The following KCNQ3 variants were observed in gnomAD, a reference collection of about 807,000 sequenced individuals.
The protein encoded by KCNQ3 is potassium voltage-gated channel subfamily Q member 3.
Under a neutral mutation model 92.5 loss-of-function variants are expected in KCNQ3, and 30 were observed. The ratio of observed to expected loss-of-function variants is 0.32; its 90% confidence interval spans 0.24 to 0.44. The LOEUF is 0.44. KCNQ3 is among the 20% of genes least tolerant of loss of function. The pLI is 1.00. For missense variants in KCNQ3, 913 were observed against 1,140.3 expected, an observed-to-expected ratio of 0.80 and a Z score of 2.87; for synonymous variants, 450 against 468.8, an observed-to-expected ratio of 0.96 and a Z score of 0.52.
intron 1 of KCNQ3, among the ~76,000 whole-genome samples, chr8:132,225,433 C>A (rs1246083701): frequency 2.0e-5 from 3 of 152,112 alleles, no homozygotes; most frequent in Non-Finnish European, 4.4e-5. Context: ...TCATAGAAAG[C>A]AACTGGGATC....
At chr8:132,159,685 T>C (rs558981961) in intron 9 of KCNQ3, among the ~76,000 whole-genome samples, 2 of 152,118 alleles carry the variant, frequency 1.3e-5, no homozygotes, top group African/African-American at 2.4e-5. Flanking sequence ...AGATAAGAGA[T>C]AAAGAGAGAA....
intron 1 of KCNQ3, among the ~76,000 whole-genome samples, chr8:132,441,028 G>T (rs1316744738): frequency 1.3e-5 from 2 of 152,176 alleles, no homozygotes; most frequent in Admixed American, 6.6e-5. Context: ...GAGTGGATTT[G>T]ATTAGTTCTA....
intron 1 of KCNQ3, among the ~76,000 whole-genome samples, chr8:132,298,409 G>A (rs1342048940): frequency 6.6e-6 from 1 of 152,138 alleles, no homozygotes; most frequent in African/African-American, 2.4e-5. Flanking sequence ...TAATCAGGGT[G>A]TGGGGATGGA....
intron 4 of KCNQ3, among the ~76,000 whole-genome samples, chr8:132,178,983 A>G (rs2130150547): frequency 6.9e-6 from 1 of 144,616 alleles, no homozygotes; most frequent in African/African-American, 2.6e-5. Context: ...AGCATCTAGT[A>G]TGCCTACCAG....
intron 1 of KCNQ3, among the ~76,000 whole-genome samples, chr8:132,428,143 A>G (rs1821157327): frequency 6.6e-6 from 1 of 151,574 alleles, no homozygotes; most frequent in African/African-American, 2.4e-5. Context: ...TGCTCTCTCA[A>G]TACCCATCTT....
intron 1 of KCNQ3, among the ~76,000 whole-genome samples, chr8:132,284,776 G>T (rs1309828018): frequency 6.6e-6 from 1 of 152,222 alleles, no homozygotes; most frequent in Non-Finnish European, 1.5e-5. Flanking sequence ...ATGTGACAAT[G>T]TTAGGAGCTG....
intron 9 of KCNQ3, among the ~76,000 whole-genome samples, chr8:132,148,557 A>G (rs1825533547): frequency 6.6e-6 from 1 of 152,254 alleles, no homozygotes; most frequent in Admixed American, 6.5e-5. Flanking sequence ...GACTGAGCCA[A>G]GGGATCCTCA....
intron 1 of KCNQ3, among the ~76,000 whole-genome samples, chr8:132,269,741 G>C (rs1275481722): frequency 1.3e-5 from 2 of 152,170 alleles, no homozygotes; most frequent in Non-Finnish European, 2.9e-5. Context: ...CCACTAGACT[G>C]TGGGCCTCTA....
At chr8:132,220,811 CTTT>C (rs201993680) in intron 1 of KCNQ3, among the ~76,000 whole-genome samples, 1 of 92,602 alleles carries the variant, frequency 1.1e-5, no homozygotes, top group Non-Finnish European at 2.3e-5. Flanking sequence ...TGGCATGAAA[CTTT>C]TTTTTATTTT....
chr8:132,250,897 G>A (rs556731169), intron 1 of KCNQ3, among the ~76,000 whole-genome samples: 76 of 152,310 alleles, frequency 5.0e-4, no homozygotes, highest in Middle Eastern at 3.4e-3. Flanking sequence ...ATTTTGTGAA[G>A]TGCAGTTCAT....
chr8:132,445,507 T>C (rs183244591), intron 1 of KCNQ3, among the ~76,000 whole-genome samples: 2 of 152,230 alleles, frequency 1.3e-5, no homozygotes, highest in East Asian at 3.9e-4. Flanking sequence ...AATGAATGAA[T>C]GATATTACTC....
intron 1 of KCNQ3, among the ~76,000 whole-genome samples, chr8:132,310,454 A>C (rs546699741): frequency 2.0e-5 from 3 of 152,210 alleles, no homozygotes; most frequent in African/African-American, 7.2e-5. Context: ...AAAGCGCCCC[A>C]CTGGGAGGAC....
At chr8:132,452,625 G>T (rs1821848066) in intron 1 of KCNQ3, among the ~76,000 whole-genome samples, 2 of 152,176 alleles carry the variant, frequency 1.3e-5, no homozygotes, top group African/African-American at 4.8e-5. Context: ...AACCACAGAA[G>T]AGTCCATTCC....
chr8:132,217,486 G>A (rs562081391), intron 1 of KCNQ3, among the ~76,000 whole-genome samples: 9 of 152,084 alleles, frequency 5.9e-5, no homozygotes, highest in South Asian at 2.1e-4. Flanking sequence ...CGAGGTGGGC[G>A]GATCATGAGG....
chr8:132,217,727 A>G (rs1349242067), intron 1 of KCNQ3, among the ~76,000 whole-genome samples: 1 of 151,402 alleles, frequency 6.6e-6, no homozygotes, highest in East Asian at 1.9e-4. Context: ...AAAAAAAAAA[A>G]AAACAAAACA....
At chr8:132,353,814 AAAAC>A (rs749243050) in intron 1 of KCNQ3, among the ~76,000 whole-genome samples, 11 of 152,290 alleles carry the variant, frequency 7.2e-5, no homozygotes, top group South Asian at 4.1e-4. Context: ...ATTCTGCCTC[AAAAC>A]AAACAAACAA....
At chr8:132,182,715 G>A (rs1320667563) in intron 3 of KCNQ3, among the ~76,000 whole-genome samples, 1 of 152,150 alleles carries the variant, frequency 6.6e-6, no homozygotes, top group East Asian at 1.9e-4. Flanking sequence ...GATAGGTCAT[G>A]CAAAGAAGAA....
chr8:132,137,408 A>G (rs919219983), intron 12 of KCNQ3, among the ~76,000 whole-genome samples: 2 of 152,170 alleles, frequency 1.3e-5, no homozygotes, highest in African/African-American at 4.8e-5. Flanking sequence ...AGGGAGTATA[A>G]ACACGCAGGT....
intron 1 of KCNQ3, among the ~76,000 whole-genome samples, chr8:132,439,358 C>A (rs1821474476): frequency 6.6e-6 from 1 of 152,048 alleles, no homozygotes; most frequent in African/African-American, 2.4e-5. Context: ...CACAGTCTCC[C>A]AGCAGTTAGG....
Sources: allele counts gnomAD v4.1 joint callset (sites outside exome capture counted in the v4.1 genomes callset), GRCh38; gene constraint gnomAD v4.1.1; transcripts MANE v1.5; gene names NCBI Gene and HGNC (gene_info 2026-07-23, HGNC 2026-07-21).